Variants in FRMD3 observed in about 807,000 individuals in gnomAD.
FRMD3 encodes FERM domain-containing protein 3.
Under a neutral mutation model 70.2 loss-of-function variants are expected in FRMD3, and 33 were observed. That is an observed-to-expected ratio of 0.47 (90% CI 0.36 to 0.63). The LOEUF (loss-of-function observed/expected upper bound fraction) is 0.63, where lower values mean the gene tolerates loss of function less well. FRMD3 is among the 20% of genes least tolerant of loss of function. The pLI is 0.00. For missense variants in FRMD3, 632 were observed against 711.4 expected (o/e 0.89, Z 1.27); for synonymous variants, 279 against 255.9 (o/e 1.09, Z -0.86).
At chr9:83,342,736 T>TAGA (rs1564025103) in intron 5 of FRMD3, among the ~76,000 whole-genome samples, 237 of 88,344 alleles carry the variant, frequency 2.7e-3, no homozygotes, top group Non-Finnish European at 4.0e-3. Context: ...AGATAGATAG[T>TAGA]TAGATAGACA....
intron 13 of FRMD3, among the ~76,000 whole-genome samples, chr9:83,278,941 T>C (rs1833879694): frequency 6.6e-6 from 1 of 152,152 alleles, no homozygotes; most frequent in Admixed American, 6.5e-5. Flanking sequence ...GTACAATTGG[T>C]CCTAGAGCTG....
At chr9:83,335,746 A>G in intron 5 of FRMD3, 107 bp from the exon 6 acceptor site, 2 of 900,954 alleles carry the variant, frequency 2.2e-6, no homozygotes, top group Non-Finnish European at 1.7e-6. Flanking sequence ...GCTGGAATAA[A>G]CTCACCCAAA....
At position 83,290,591 on chromosome 9, in the gene FRMD3, A is replaced by G. The variant is rs1563997366; in HGVS notation, c.1195+12T>C. 8.1e-6 allele frequency: 13 copies of G among 1,613,868 alleles called. No homozygotes were observed. Among genetic ancestry groups the G allele is most frequent in the Non-Finnish European group, 1.0e-5 (12 of 1,179,980 alleles). On this transcript the variant is annotated intron_variant, in intron 13 of 13. Transcript: ENST00000304195. ...TGCAGCACCAGCATTTGGGATGAAGAGACAGACTTACCCTCACCCAGAGGA... is the reference window on the plus strand; with the variant it reads ...TGCAGCACCAGCATTTGGGATGAAGGGACAGACTTACCCTCACCCAGAGGA...
intron 1 of FRMD3, among the ~76,000 whole-genome samples, chr9:83,435,351 C>T (rs975534600): frequency 6.6e-6 from 1 of 152,072 alleles, no homozygotes; most frequent in Non-Finnish European, 1.5e-5. Context: ...AATCAGGTAT[C>T]CTGCTTAAGA....
chr9:83,426,879 C>T (rs72745061), intron 1 of FRMD3, among the ~76,000 whole-genome samples: 4,805 of 152,266 alleles, frequency 0.032, 93 homozygotes, highest in Non-Finnish European at 0.039. Flanking sequence ...AGACAAGCTT[C>T]GGTTTGGAGG....
intron 1 of FRMD3, among the ~76,000 whole-genome samples, chr9:83,509,244 T>C (rs1350132028): frequency 1.3e-5 from 2 of 152,176 alleles, no homozygotes; most frequent in Non-Finnish European, 2.9e-5. Flanking sequence ...TCAGATGTTA[T>C]ACCAGGTGCT....
intron 10 of FRMD3, among the ~76,000 whole-genome samples, chr9:83,301,509 G>A (rs1303711006): frequency 1.5e-5 from 2 of 129,224 alleles, no homozygotes; most frequent in East Asian, 2.2e-4. Context: ...AGATCCTTGG[G>A]ACAAAGTGGT....
At chr9:83,359,697 G>T (rs903250068) in intron 3 of FRMD3, among the ~76,000 whole-genome samples, 1 of 151,996 alleles carries the variant, frequency 6.6e-6, no homozygotes, top group African/African-American at 2.4e-5. Context: ...ATATCTTTTG[G>T]TTTTTTTCAA....
Position 83,417,694 on chromosome 9 carries a change from C to A in FRMD3, c.148-27986G>T, listed in dbSNP as rs557790784. Among the ~76,000 whole-genome samples the A allele has an allele frequency of 2.6e-5, 4 of 152,164 alleles. No individual in the cohort carries two copies. The East Asian group carries it at 5.8e-4, about 22-fold the overall frequency. ...AAATCTGGGAGTCAGCAAGCTGAAGCCATGGACTGAATAAAATGTTGCAAA... is the reference window on the plus strand; with the variant it reads ...AAATCTGGGAGTCAGCAAGCTGAAGACATGGACTGAATAAAATGTTGCAAA... On this transcript the variant is annotated intron_variant, in intron 1 of 13. Coordinates refer to ENST00000304195, the MANE Select transcript of FRMD3 (RefSeq NM_174938.6).
chr9:83,461,517 G>A (rs1267181694), intron 1 of FRMD3, among the ~76,000 whole-genome samples: 1 of 152,070 alleles, frequency 6.6e-6, no homozygotes, highest in Admixed American at 6.6e-5. Flanking sequence ...TCCCAGGGAA[G>A]ATGACATTTG....
the FRMD3 span, among the ~76,000 whole-genome samples, chr9:83,544,008 T>G: frequency 2.6e-5 from 4 of 152,162 alleles, no homozygotes; most frequent in East Asian, 7.7e-4. Flanking sequence ...TTACTGGCAA[T>G]GTCCCCACTG....
chr9:83,498,738 T>TA (rs1309572969), intron 1 of FRMD3, among the ~76,000 whole-genome samples: 5 of 113,984 alleles, frequency 4.4e-5, no homozygotes, highest in East Asian at 3.9e-4. Flanking sequence ...ATCACCCCTT[T>TA]AAAAAAAAGA....
intron 13 of FRMD3, among the ~76,000 whole-genome samples, chr9:83,249,939 A>C (rs1166180037): frequency 1.3e-5 from 2 of 152,176 alleles, no homozygotes; most frequent in Non-Finnish European, 2.9e-5. Context: ...ACCCAGCAAT[A>C]CCACTCCCAG....
At chr9:83,316,902 T>C (rs1835601703) in intron 6 of FRMD3, among the ~76,000 whole-genome samples, 1 of 152,062 alleles carries the variant, frequency 6.6e-6, no homozygotes, top group African/African-American at 2.4e-5. Flanking sequence ...AAATAAACCA[T>C]ACAGAAAATT....
At chr9:83,581,244 C>T in the FRMD3 span, among the ~76,000 whole-genome samples, 50 of 151,898 alleles carry the variant, frequency 3.3e-4, no homozygotes, top group African/African-American at 1.2e-3. Flanking sequence ...AATTGTATAC[C>T]AAGTATATAA....
chr9:83,280,733 A>G (rs13294469), intron 13 of FRMD3, among the ~76,000 whole-genome samples: 5,547 of 152,332 alleles, frequency 0.036, 126 homozygotes, highest in Middle Eastern at 0.075. Context: ...CTGTCATTGT[A>G]TATATGCACA....
At chr9:83,547,068 T>G in the FRMD3 span, among the ~76,000 whole-genome samples, 1 of 151,412 alleles carries the variant, frequency 6.6e-6, no homozygotes, top group Non-Finnish European at 1.5e-5. Context: ...ATAGCTATAC[T>G]TATATTAGAT....
At chr9:83,404,863 G>A (rs149439583) in intron 1 of FRMD3, among the ~76,000 whole-genome samples, 8 of 152,290 alleles carry the variant, frequency 5.3e-5, no homozygotes, top group Non-Finnish European at 1.0e-4. Context: ...CAAGCATTGG[G>A]TTGCTTATCA....
At chr9:83,484,938 G>A (rs1332069699) in intron 1 of FRMD3, among the ~76,000 whole-genome samples, 2 of 152,188 alleles carry the variant, frequency 1.3e-5, no homozygotes, top group Non-Finnish European at 2.9e-5. Flanking sequence ...AAACATAATA[G>A]AAAGTCCACT....
Sources: allele counts gnomAD v4.1 joint callset (sites outside exome capture counted in the v4.1 genomes callset), GRCh38; gene constraint gnomAD v4.1.1; transcripts MANE v1.5; gene names NCBI Gene and HGNC (gene_info 2026-07-23, HGNC 2026-07-21).